The following RARB variants were observed in gnomAD, a reference collection of about 807,000 sequenced individuals.
RARB encodes HBV-activated protein.
RARB carries 17 observed loss-of-function variants against 51.9 expected under a neutral mutation model. That is an observed-to-expected ratio of 0.33 (90% CI 0.22 to 0.49). The LOEUF (loss-of-function observed/expected upper bound fraction) is 0.49. Among genes scored for constraint, RARB ranks in the 20% least tolerant of loss-of-function variants. The pLI is 0.99. For missense variants in RARB, 369 were observed against 550.8 expected, an observed-to-expected ratio of 0.67 and a Z score of 3.30; for synonymous variants, 215 against 195.4, an observed-to-expected ratio of 1.10 and a Z score of -0.84.
At chr3:25,578,319 A>G (rs1020697753) in intron 4 of RARB, among the ~76,000 whole-genome samples, 39 of 152,362 alleles carry the variant, frequency 2.6e-4, no homozygotes, top group African/African-American at 8.7e-4. Flanking sequence ...TTCAGTTTGC[A>G]TAATAGTGAG....
At chr3:25,546,076 G>A (rs1699604957) in intron 3 of RARB, among the ~76,000 whole-genome samples, 1 of 151,996 alleles carries the variant, frequency 6.6e-6, no homozygotes, top group South Asian at 2.1e-4. Flanking sequence ...CCAGGCAGAG[G>A]GAACAGCCAG....
intron 3 of RARB, among the ~76,000 whole-genome samples, chr3:25,521,341 G>A (rs1204583262): frequency 2.0e-5 from 3 of 152,004 alleles, no homozygotes; most frequent in African/African-American, 7.3e-5. Context: ...ATACAAAACC[G>A]GGGGTGCCGC....
intron 4 of RARB, among the ~76,000 whole-genome samples, chr3:25,150,452 T>C (rs1463642001): frequency 6.6e-6 from 1 of 152,196 alleles, no homozygotes; most frequent in Non-Finnish European, 1.5e-5. Flanking sequence ...TGGTTTCTCA[T>C]GGTCTGAGTG....
At chr3:25,205,697 A>G (rs868341801) in intron 5 of RARB, among the ~76,000 whole-genome samples, 2 of 152,168 alleles carry the variant, frequency 1.3e-5, no homozygotes, top group East Asian at 3.9e-4. Context: ...AAATATGTGC[A>G]TCTATTATGT....
intron 5 of RARB, among the ~76,000 whole-genome samples, chr3:25,301,146 A>G (rs1431508046): frequency 6.6e-6 from 1 of 152,206 alleles, no homozygotes; most frequent in East Asian, 1.9e-4. Flanking sequence ...TGGGGTTATC[A>G]GGGTATTAAA....
intron 2 of RARB, among the ~76,000 whole-genome samples, chr3:25,472,562 C>T (rs1037661521): frequency 2.6e-5 from 4 of 152,168 alleles, no homozygotes; most frequent in Non-Finnish European, 4.4e-5. Flanking sequence ...TTGTTTCCCC[C>T]TCCATTTCAC....
At chr3:25,155,371 G>T (rs570369686) in intron 4 of RARB, among the ~76,000 whole-genome samples, 1 of 152,306 alleles carries the variant, frequency 6.6e-6, no homozygotes, top group South Asian at 2.1e-4. Flanking sequence ...TAGATTGTGG[G>T]CAGGGATTGT....
chr3:25,560,200 C>T (rs1361093726), intron 3 of RARB, among the ~76,000 whole-genome samples: 1 of 152,168 alleles, frequency 6.6e-6, no homozygotes, highest in Non-Finnish European at 1.5e-5. Context: ...TCCAGGACCT[C>T]ATTAAGAATC....
chr3:25,377,771 A>T (rs1390753573), intron 5 of RARB, among the ~76,000 whole-genome samples: 4 of 152,226 alleles, frequency 2.6e-5, no homozygotes, highest in Admixed American at 2.6e-4. Context: ...GTTAAAATTT[A>T]GAACCCAAAT....
At chr3:24,960,244 G>T (rs548532514) in intron 2 of RARB, among the ~76,000 whole-genome samples, 1 of 152,286 alleles carries the variant, frequency 6.6e-6, no homozygotes, top group Admixed American at 6.5e-5. Flanking sequence ...TCAGATGGTT[G>T]CCTTTAAAAT....
intron 5 of RARB, among the ~76,000 whole-genome samples, chr3:25,316,486 G>T (rs1452958192): frequency 6.6e-6 from 1 of 152,130 alleles, no homozygotes; most frequent in Non-Finnish European, 1.5e-5. Flanking sequence ...ATTTAATTTG[G>T]AAAAGCATGC....
At chr3:24,902,742 AT>A (rs1387789233) in intron 2 of RARB, among the ~76,000 whole-genome samples, 2 of 152,264 alleles carry the variant, frequency 1.3e-5, no homozygotes, top group African/African-American at 2.4e-5. Context: ...TGGAAAAAAA[AT>A]GTTTCATTTT....
rs374977149 is a variant in RARB, at chr3:24,898,175, C to T, written c.-380+39423C>T. Among the ~76,000 whole-genome samples the T allele has an allele frequency of 2.1e-4, 32 of 152,234 alleles. 1 individual carries two copies. In the East Asian group the frequency reaches 5.4e-3, roughly 26 times the overall value. ...GCCTGACTGGTACCTACAGACACTG[C>T]TGTGACTGATGCTTCATCACGTGAT... On this transcript the variant is annotated intron_variant, in intron 2 of 11. Coordinates refer to the RARB transcript ENST00000383772.
chr3:25,394,221 A>G (rs1048975959), intron 5 of RARB, among the ~76,000 whole-genome samples: 19 of 152,034 alleles, frequency 1.2e-4, no homozygotes, highest in African/African-American at 4.1e-4. Context: ...GGTTCCTTTT[A>G]GAGTTGATTT....
chr3:25,425,250 C>T (rs763992731), upstream of RARB, among the ~76,000 whole-genome samples: 35 of 152,170 alleles, frequency 2.3e-4, no homozygotes, highest in Non-Finnish European at 4.3e-4. Flanking sequence ...CTACCCTACT[C>T]ATTAATCTTT....
chr3:25,219,084 A>G (rs889897650), intron 5 of RARB, among the ~76,000 whole-genome samples: 1 of 152,182 alleles, frequency 6.6e-6, no homozygotes, highest in Non-Finnish European at 1.5e-5. Context: ...AGCATCTACT[A>G]TGTGTTAAGC....
rs912909374 is a variant in RARB at position 25,593,779 on chromosome 3, C to T, written c.991+72C>T. ...TTATACTTGTAATTTGTGAAAAATT[C>T]CTCATTTCCCTTTTGGAGTTGTTTT... On this transcript the variant is annotated intron_variant, in intron 6 of 7. Coordinates refer to ENST00000330688, the MANE Select transcript of RARB (RefSeq NM_000965.5). 10 of 1,443,050 alleles carry T rather than the reference C, an allele frequency of 6.9e-6. No individual in the cohort carries two copies. The Admixed American group carries it at 1.6e-4, about 22-fold the overall frequency. The allele number at this position is 1,443,050 out of a possible 1,614,324, so 89.4% of individuals were successfully genotyped here. A position where few individuals can be genotyped will look rare whatever the true frequency, so the allele number is the denominator to read the frequency against.
intron 5 of RARB, among the ~76,000 whole-genome samples, chr3:25,286,205 C>T (rs559540027): frequency 9.3e-4 from 141 of 151,398 alleles, no homozygotes; most frequent in African/African-American, 2.9e-3. Context: ...TCTCCTGCCT[C>T]GGCCTCCCAA....
At chr3:25,453,316 C>T (rs982127943) in intron 1 of RARB, among the ~76,000 whole-genome samples, 10 of 142,764 alleles carry the variant, frequency 7.0e-5, no homozygotes, top group Non-Finnish European at 1.3e-4. Flanking sequence ...GGCACGATCT[C>T]GGCTCACTGC....
Sources: allele counts gnomAD v4.1 joint callset (sites outside exome capture counted in the v4.1 genomes callset), GRCh38; gene constraint gnomAD v4.1.1; transcripts MANE v1.5; gene names NCBI Gene and HGNC (gene_info 2026-07-23, HGNC 2026-07-21).